Variants in RFX3 observed in about 807,000 individuals in gnomAD.
RFX3 encodes regulatory factor X3.
RFX3 carries 14 observed loss-of-function variants against 98.6 expected under a neutral mutation model. The observed-to-expected ratio is 0.14, with a 90% CI of 0.09 to 0.22. The LOEUF is 0.22. Among genes scored for constraint, RFX3 ranks in the 10% least tolerant of loss-of-function variants. The pLI, the probability that RFX3 is intolerant of heterozygous loss-of-function variation, is 1.00. For synonymous variants in RFX3, 383 were observed against 328.4 expected (o/e 1.17, Z -1.80); for missense variants, 639 against 926.9 (o/e 0.69, Z 4.03).
intron 1 of RFX3, among the ~76,000 whole-genome samples, chr9:3,480,221 A>C (rs753782877): frequency 1.3e-5 from 2 of 152,188 alleles, no homozygotes; most frequent in African/African-American, 2.4e-5. Flanking sequence ...TACTGCTTTC[A>C]GCCAGCAGGT....
rs917631096 is a variant in RFX3, at chr9:3,426,325, C to CTT, written c.-8-30731_-8-30730dup. ...CATATCCATCATCTCAAATACCTAT[C>CTT]TTTTTTTTTTTTTTGTATTACAAAC... On this transcript the variant is annotated intron_variant, in intron 1 of 16. Coordinates refer to ENST00000617270, the MANE Select transcript of RFX3 (RefSeq NM_001282116.2). Among the ~76,000 whole-genome samples the CTT allele has an allele frequency of 1.1e-3, 157 of 142,860 alleles. 1 individual carries two copies. The highest frequency in any genetic ancestry group is 3.5e-3 in the African/African-American group (136 of 39,072). The allele number at this position is 142,860 out of a possible 152,430, so 93.7% of individuals were successfully genotyped here.
chr9:3,262,875 T>A, intron 13 of RFX3, 60 bp downstream of exon 13: 4 of 1,540,108 alleles, frequency 2.6e-6, no homozygotes, highest in Non-Finnish European at 3.6e-6. Context: ...TGATCCCAAT[T>A]AAGAAGAACA....
chr9:3,504,894 CATATATTATATATAT>C (rs1816682508), intron 1 of RFX3, among the ~76,000 whole-genome samples: 1 of 18,210 alleles, frequency 5.5e-5, no homozygotes, highest in African/African-American at 1.8e-4. Context: ...TATAATATAA[CATATATTATATATAT>C]ATATAATATA....
intron 1 of RFX3, chr9:3,420,963 G>T (rs1843389587): frequency 1.0e-6 from 1 of 968,482 alleles, no homozygotes; most frequent in African/African-American, 1.8e-5. Context: ...ACAGAAACTA[G>T]CCTAAGGAGT....
chr9:3,275,913 A>G (rs950170861), intron 8 of RFX3, among the ~76,000 whole-genome samples: 1 of 152,124 alleles, frequency 6.6e-6, no homozygotes, highest in Non-Finnish European at 1.5e-5. Flanking sequence ...CTATTAAAAG[A>G]AAAATATCTC....
At chr9:3,399,273 TAAA>T (rs35058002) in intron 1 of RFX3, among the ~76,000 whole-genome samples, 4 of 118,302 alleles carry the variant, frequency 3.4e-5, no homozygotes, top group African/African-American at 3.2e-5. Context: ...TGTCTCTGCT[TAAA>T]AAAAAAAAAA....
At position 3,521,145 on chromosome 9, in the gene RFX3, T is replaced by G. The variant is rs143248636; in HGVS notation, c.-9+4602A>C. ...GACAATTATTGATATGTGCTAATCA[T>G]ATGAAATTTAAGAAGTATAAAGCCA... On this transcript the variant is annotated intron_variant, in intron 1 of 16. Transcript: ENST00000617270. 9.2e-5 allele frequency among the ~76,000 whole-genome samples: 14 copies of G among 152,332 alleles called. No individual in the cohort carries two copies. In the East Asian group the frequency reaches 2.5e-3, roughly 27 times the overall value.
chr9:3,516,383 T>C (rs150365337), intron 1 of RFX3, among the ~76,000 whole-genome samples: 96 of 152,304 alleles, frequency 6.3e-4, no homozygotes, highest in Admixed American at 1.4e-3. Flanking sequence ...AGAAAATGTA[T>C]ACTTCTTAAA....
intron 2 of RFX3, among the ~76,000 whole-genome samples, chr9:3,349,160 T>A (rs944170654): frequency 3.9e-5 from 6 of 152,100 alleles, no homozygotes; most frequent in African/African-American, 1.4e-4. Flanking sequence ...ATATCTTGGA[T>A]ATATTTGTCC....
At chr9:3,311,811 G>A (rs984905404) in intron 4 of RFX3, among the ~76,000 whole-genome samples, 1 of 151,896 alleles carries the variant, frequency 6.6e-6, no homozygotes, top group Non-Finnish European at 1.5e-5. Context: ...TTGAATCTGG[G>A]AGGCAGAGGT....
At position 3,395,458 on chromosome 9, in the gene RFX3, C is replaced by T; in HGVS notation, c.117+14G>A. The T allele has an allele frequency of 1.2e-6, 2 of 1,611,802 alleles. No individual in the cohort carries two copies. The highest frequency in any genetic ancestry group is 2.2e-5 in the East Asian group (1 of 44,816). ...AAAGTAACAGCATCTTTTCTAAGAG[C>T]AGCAGCTCCTTACCTGTTGTTGTAC... On this transcript the variant is annotated intron_variant, in intron 2 of 16. Coordinates refer to ENST00000617270, the MANE Select transcript of RFX3 (RefSeq NM_001282116.2).
At chr9:3,269,585 G>C (rs1300935991) in intron 11 of RFX3, among the ~76,000 whole-genome samples, 1 of 152,148 alleles carries the variant, frequency 6.6e-6, no homozygotes, top group African/African-American at 2.4e-5. Flanking sequence ...AACAGTATCT[G>C]TGGTAGCGTT....
At chr9:3,452,277 C>T (rs1846713623) in intron 1 of RFX3, 2 of 208,944 alleles carry the variant, frequency 9.6e-6, no homozygotes, top group African/African-American at 2.3e-5. Context: ...AGAATTGATG[C>T]TCAAATGTCA....
intron 1 of RFX3, among the ~76,000 whole-genome samples, chr9:3,411,764 T>A (rs1158690622): frequency 6.6e-6 from 1 of 151,948 alleles, no homozygotes; most frequent in Non-Finnish European, 1.5e-5. Flanking sequence ...GTGCTGGGAT[T>A]ACAGGTGTGA....
At chr9:3,320,670 C>CT (rs969461079) in intron 4 of RFX3, among the ~76,000 whole-genome samples, 6 of 138,848 alleles carry the variant, frequency 4.3e-5, no homozygotes, top group Non-Finnish European at 9.1e-5. Context: ...AACATGGAGA[C>CT]TTTTTTCATA....
intron 14 of RFX3, 42 bp downstream of exon 14, chr9:3,256,949 C>T: frequency 6.5e-7 from 1 of 1,527,222 alleles, no homozygotes; most frequent in South Asian, 1.1e-5. Flanking sequence ...CACATATTTG[C>T]AGAATATGAA....
rs966037862 is a variant in RFX3 at position 3,388,681 on chromosome 9, C to G, written c.117+6791G>C. Among the ~76,000 whole-genome samples, 3 of 151,848 alleles carry G rather than the reference C, an allele frequency of 2.0e-5. No homozygotes were observed. The South Asian group carries it at 6.2e-4, about 32-fold the overall frequency. Reference sequence around the variant, plus strand: ...GGTTTCAAATATCCCAATTACAAACCAAAAATCTACCAGAAACAAACTCTC... The same window carrying G: ...GGTTTCAAATATCCCAATTACAAACGAAAAATCTACCAGAAACAAACTCTC... On this transcript the variant is annotated intron_variant, in intron 2 of 16. Transcript: ENST00000617270.
At chr9:3,440,828 G>C (rs1845547677) in intron 1 of RFX3, among the ~76,000 whole-genome samples, 1 of 152,160 alleles carries the variant, frequency 6.6e-6, no homozygotes, top group African/African-American at 2.4e-5. Flanking sequence ...TACCTGATTT[G>C]AAGACTTACT....
intron 2 of RFX3, among the ~76,000 whole-genome samples, chr9:3,382,055 G>C (rs1240307685): frequency 1.3e-5 from 2 of 151,826 alleles, no homozygotes; most frequent in Non-Finnish European, 2.9e-5. Context: ...TATCTCCTTT[G>C]TCCCCCTTAG....
Sources: allele counts gnomAD v4.1 joint callset (sites outside exome capture counted in the v4.1 genomes callset), GRCh38; gene constraint gnomAD v4.1.1; transcripts MANE v1.5; gene names NCBI Gene and HGNC (gene_info 2026-07-23, HGNC 2026-07-21).